DCDC1: variants seen among roughly 807,000 people sequenced by gnomAD.
The protein encoded by DCDC1 is doublecortin domain containing 1.
In DCDC1, 200 loss-of-function variants were observed where a neutral mutation model predicts 178.3. The observed-to-expected ratio is 1.12, with a 90% CI of 1.00 to 1.26. The LOEUF (loss-of-function observed/expected upper bound fraction) is 1.26. Among genes scored for constraint, DCDC1 ranks in the 50% most tolerant of loss-of-function variants. The probability of loss-of-function intolerance (pLI) is 0.00; values close to 1 mark genes in which losing one functional copy is unlikely to be tolerated. For synonymous variants in DCDC1, 690 were observed against 604.8 expected, an observed-to-expected ratio of 1.14 and a Z score of -2.07; for missense variants, 1,983 against 1,749.2, an observed-to-expected ratio of 1.13 and a Z score of -2.38.
intron 9 of DCDC1, among the ~76,000 whole-genome samples, chr11:31,169,859 C>G (rs1360635080): frequency 3.3e-5 from 5 of 152,094 alleles, no homozygotes; most frequent in Non-Finnish European, 7.3e-5. Context: ...TGCAACCAAC[C>G]TAGGTCTTGG....
chr11:31,189,101 T>C (rs1969842874), intron 9 of DCDC1, among the ~76,000 whole-genome samples: 1 of 152,178 alleles, frequency 6.6e-6, no homozygotes, highest in African/African-American at 2.4e-5. Flanking sequence ...CTATAAGTAA[T>C]AAATTTTCGT....
At chr11:31,263,842 T>C (rs1028236163) in intron 8 of DCDC1, among the ~76,000 whole-genome samples, 2 of 152,212 alleles carry the variant, frequency 1.3e-5, no homozygotes, top group Admixed American at 6.5e-5. Flanking sequence ...ATTTAATATC[T>C]TGGCCCTCCT....
chr11:31,122,365 A>G (rs567417474), intron 11 of DCDC1, among the ~76,000 whole-genome samples: 17 of 152,244 alleles, frequency 1.1e-4, no homozygotes, highest in African/African-American at 3.8e-4. Flanking sequence ...TAATCTTGCT[A>G]TGATTGTCAG....
At chr11:31,297,493 G>A (rs1402117835) in intron 6 of DCDC1, among the ~76,000 whole-genome samples, 4 of 151,828 alleles carry the variant, frequency 2.6e-5, no homozygotes, top group Admixed American at 6.6e-5. Context: ...CAACAGGCGC[G>A]CACTACCGTG....
chr11:31,069,072 C>T (rs1188541353), intron 18 of DCDC1, among the ~76,000 whole-genome samples: 5 of 151,940 alleles, frequency 3.3e-5, no homozygotes, highest in African/African-American at 9.7e-5. Flanking sequence ...AGGATGGTCT[C>T]GATCTCCTGA....
intron 20 of DCDC1, among the ~76,000 whole-genome samples, chr11:31,023,595 T>G (rs1318078110): frequency 1.3e-5 from 2 of 152,018 alleles, no homozygotes; most frequent in Non-Finnish European, 2.9e-5. Flanking sequence ...TTACATACTT[T>G]AAAATAATAA....
intron 20 of DCDC1, among the ~76,000 whole-genome samples, chr11:30,970,988 A>G (rs1486964583): frequency 1.3e-5 from 2 of 152,090 alleles, no homozygotes; most frequent in Admixed American, 1.3e-4. Flanking sequence ...GGCCCACCCA[A>G]TCTGCCACTA....
intron 7 of DCDC1, among the ~76,000 whole-genome samples, chr11:31,285,320 A>G (rs1946742038): frequency 6.6e-6 from 1 of 152,170 alleles, no homozygotes; most frequent in Admixed American, 6.6e-5. Flanking sequence ...AGTAATATCA[A>G]TGGACTTTTC....
intron 9 of DCDC1, among the ~76,000 whole-genome samples, chr11:31,203,734 A>T (rs1375841154): frequency 6.6e-6 from 1 of 152,164 alleles, no homozygotes; most frequent in African/African-American, 2.4e-5. Flanking sequence ...TTATATATAT[A>T]TTTTCCAATG....
At chr11:31,297,286 G>A (rs1480557834) in intron 6 of DCDC1, among the ~76,000 whole-genome samples, 1 of 152,120 alleles carries the variant, frequency 6.6e-6, no homozygotes, top group African/African-American at 2.4e-5. Flanking sequence ...GGGGCAGGGA[G>A]CCAAGCAATT....
intron 9 of DCDC1, among the ~76,000 whole-genome samples, chr11:31,152,292 T>C (rs1033631641): frequency 6.6e-6 from 1 of 152,178 alleles, no homozygotes; most frequent in Non-Finnish European, 1.5e-5. Flanking sequence ...CTCCATTCCA[T>C]TGGAGAGAGC....
intron 9 of DCDC1, among the ~76,000 whole-genome samples, chr11:31,198,184 G>A (rs900760295): frequency 1.3e-5 from 2 of 151,908 alleles, no homozygotes; most frequent in African/African-American, 4.8e-5. Context: ...AAGTATATAT[G>A]TAAAGGGTTG....
intron 21 of DCDC1, among the ~76,000 whole-genome samples, chr11:30,945,451 T>C (rs769923632): frequency 6.6e-6 from 1 of 151,866 alleles, no homozygotes; most frequent in South Asian, 2.1e-4. Context: ...CCTAGCACTT[T>C]GGGAAGCCGA....
At chr11:30,900,279 G>T in intron 33 of DCDC1, 67 bp downstream of exon 33, 1 of 1,279,134 alleles carries the variant, frequency 7.8e-7, no homozygotes, top group Non-Finnish European at 1.0e-6. Context: ...TTCTTATGAT[G>T]GCATAAAATG....
intron 9 of DCDC1, among the ~76,000 whole-genome samples, chr11:31,234,060 T>C (rs950305629): frequency 2.0e-5 from 3 of 152,242 alleles, no homozygotes; most frequent in Admixed American, 6.5e-5. Flanking sequence ...TTATTTATGC[T>C]GTAATTCTTT....
chr11:31,341,381 TTATA>T (rs1201004115), intron 1 of DCDC1, among the ~76,000 whole-genome samples: 7 of 116,366 alleles, frequency 6.0e-5, no homozygotes, highest in South Asian at 5.9e-4. Context: ...AATTCCAGTT[TTATA>T]GATAGATAGA....
intron 8 of DCDC1, among the ~76,000 whole-genome samples, chr11:31,260,240 C>CA: frequency 6.6e-6 from 1 of 152,220 alleles, no homozygotes; most frequent in African/African-American, 2.4e-5. Flanking sequence ...GTTTTTAACT[C>CA]AAAAAGGTAC....
intron 23 of DCDC1, among the ~76,000 whole-genome samples, chr11:30,922,845 T>C (rs1337163969): frequency 6.6e-6 from 1 of 152,230 alleles, no homozygotes; most frequent in Non-Finnish European, 1.5e-5. Flanking sequence ...AAGAGTTTTG[T>C]ATTAAGTGAA....
chr11:31,155,308 T>C (rs961136433), intron 9 of DCDC1, among the ~76,000 whole-genome samples: 1 of 152,202 alleles, frequency 6.6e-6, no homozygotes, highest in Non-Finnish European at 1.5e-5. Flanking sequence ...AGAGGAGAGA[T>C]AATTTCTTGA....
Sources: gnomAD v4.1 joint callset for allele counts (sites outside exome capture counted in the v4.1 genomes callset) on GRCh38, gnomAD v4.1.1 for gene constraint, MANE v1.5 for transcripts, NCBI Gene and HGNC (gene_info 2026-07-23, HGNC 2026-07-21) for gene names.